The following JCAD variants were observed in gnomAD, a reference collection of about 807,000 sequenced individuals.
The protein encoded by JCAD is junctional cadherin 5 associated.
Under a neutral mutation model 98.0 loss-of-function variants are expected in JCAD, and 40 were observed. The ratio of observed to expected loss-of-function variants is 0.41; its 90% CI spans 0.32 to 0.53. The LOEUF is 0.53. JCAD is among the 20% of genes least tolerant of loss of function. JCAD has a pLI of 0.31. For missense variants in JCAD, 1,705 were observed against 1,738.1 expected, an observed-to-expected ratio of 0.98 and a Z score of 0.34; for synonymous variants, 691 against 682.3, an observed-to-expected ratio of 1.01 and a Z score of -0.20.
intron 1 of JCAD, among the ~76,000 whole-genome samples, chr10:30,080,877 A>G (rs540097542): frequency 6.6e-6 from 1 of 152,298 alleles, no homozygotes; most frequent in African/African-American, 2.4e-5. Flanking sequence ...TTATGGTCAA[A>G]CAGCATCTTC....
Position 30,028,984 on chromosome 10 carries a change from TGAA to T in JCAD, c.1161_1163del (p.Ser388del), listed in dbSNP as rs763481068. On this transcript the variant is annotated inframe_deletion, in exon 3 of 4. Transcript: ENST00000375377. ...ACTCATTCCCAGTTCCAGGGGGGCC[TGAA>T]GGAGGCTGACCGCTGGCCCCAGCCT... 1.2e-6 allele frequency: 2 copies of T among 1,613,550 alleles called. No individual in the cohort carries two copies. The highest frequency in any genetic ancestry group is 1.7e-5 in the Admixed American group (1 of 59,960).
rs142648834 is a variant in JCAD, at chr10:30,047,361, T to C, written c.281+171A>G. Among the ~76,000 whole-genome samples the C allele has an allele frequency of 1.1e-4, 17 of 152,338 alleles. No individual in the cohort carries two copies. The East Asian group carries it at 3.3e-3, about 29-fold the overall frequency. Reference sequence around the variant, plus strand: ...TCCAGCCTGGACGACAGAGCAAGACTCCGTCTCAAAAACAAAACAAAACAA... The same window carrying C: ...TCCAGCCTGGACGACAGAGCAAGACCCCGTCTCAAAAACAAAACAAAACAA... On this transcript the variant is annotated intron_variant, in intron 2 of 3. Coordinates refer to ENST00000375377, the MANE Select transcript of JCAD (RefSeq NM_020848.4).
At chr10:30,114,578 TAAAA>T (rs11360136) in intron 1 of JCAD, among the ~76,000 whole-genome samples, 37,293 of 124,628 alleles carry the variant, frequency 0.3, 5,630 homozygotes, top group Middle Eastern at 0.39. Flanking sequence ...ACAGCACAAT[TAAAA>T]AAAAAAAAAA....
upstream of JCAD, among the ~76,000 whole-genome samples, chr10:30,060,866 G>GT (rs1837688329): frequency 2.6e-5 from 4 of 152,236 alleles, no homozygotes; most frequent in South Asian, 8.3e-4. Flanking sequence ...GAGCAAGGTC[G>GT]TTTCTTTGTT....
At position 30,073,535 on chromosome 10, in the gene JCAD, TTC is replaced by T. The variant is rs1837930266; in HGVS notation, n.129-3716_129-3715del. On this transcript the variant is annotated intron_variant and non_coding_transcript_variant, in intron 1 of 2. Coordinates refer to the JCAD transcript ENST00000465712. ...TGCTGAGAACATGGAAGGATACTATTTCTATATTCATTTACTTTTTGTGGGAA... is the reference window on the plus strand; with the variant it reads ...TGCTGAGAACATGGAAGGATACTATTTATATTCATTTACTTTTTGTGGGAA... Among the ~76,000 whole-genome samples the T allele has an allele frequency of 2.0e-5, 3 of 152,234 alleles. No homozygotes were observed. In the South Asian group the frequency reaches 6.2e-4, roughly 32 times the overall value.
intron 2 of JCAD, among the ~76,000 whole-genome samples, chr10:30,046,535 C>G (rs12248176): frequency 0.057 from 8,722 of 152,176 alleles, 671 homozygotes; most frequent in African/African-American, 0.18. Flanking sequence ...CTCTCTGTAA[C>G]CTGCAAAATA....
At position 30,027,948 on chromosome 10, in the gene JCAD, T is replaced by C. The variant is rs1836872569; in HGVS notation, c.2200A>G (p.Thr734Ala). The part of the protein sequence containing the change: ...DPAASEAQTH[T>A]AFPTGDHKQR... ...TTGTGATCACCGGTAGGGAATGCTG[T>C]GTGCGTCTGAGCTTCGGAGGCAGCA... The change falls in exon 3 of 4, where the codon ACA becomes GCA. Residue 734 changes from threonine to alanine, a missense_variant. By Grantham distance (58) the Thr-to-Ala change is moderately conservative. Transcript: ENST00000375377. The C allele has an allele frequency of 1.4e-5, 23 of 1,614,148 alleles. No individual in the cohort carries two copies. The highest frequency in any genetic ancestry group is 1.9e-5 in the Non-Finnish European group (22 of 1,180,058).
rs1836937130 is a variant in JCAD at position 30,029,449 on chromosome 10, A to T, written c.699T>A (p.Pro233=). ...SQNKGKSRSL[P]RVLSPESLSC... ...TCAGGCTCTCGGGGGAAAGAACTCT[A>T]GGCAGTGAGCGAGACTTCCCTTTGT... The change falls in exon 3 of 4, where the codon CCT becomes CCA. Residue 233 remains proline, a synonymous_variant. Coordinates refer to ENST00000375377, the MANE Select transcript of JCAD (RefSeq NM_020848.4). 1 of 1,614,208 alleles carries T rather than the reference A, an allele frequency of 6.2e-7. No homozygotes were observed. Among genetic ancestry groups the T allele is most frequent in the East Asian group, 2.2e-5 (1 of 44,886 alleles).
intron 2 of JCAD, among the ~76,000 whole-genome samples, chr10:30,034,137 C>T (rs1430672952): frequency 6.6e-6 from 1 of 151,282 alleles, no homozygotes; most frequent in Non-Finnish European, 1.5e-5. Flanking sequence ...GTGGGAGAAT[C>T]GCTTGAACCC....
rs370794553 is a variant in JCAD at position 30,017,873 on chromosome 10, C to A, written c.*10G>T. 11 of 1,611,656 alleles carry A rather than the reference C, an allele frequency of 6.8e-6. No homozygotes were observed. Among genetic ancestry groups the A allele is most frequent in the Non-Finnish European group, 9.3e-6 (11 of 1,178,088 alleles). ...ATTCGCAACGGAATGCAAGCTCCAC[C>A]GGCATTTCATCACACCCTCTCCACT... On this transcript the variant is annotated 3_prime_UTR_variant, in exon 4 of 4. Coordinates refer to ENST00000375377, the MANE Select transcript of JCAD (RefSeq NM_020848.4).
rs201535105 is a variant in JCAD, at chr10:30,105,358, CTT to C, written n.128+10007_128+10008del. Among the ~76,000 whole-genome samples, 862 of 143,534 alleles carry C rather than the reference CTT, an allele frequency of 6.0e-3. 10 individuals are homozygous for C. The highest frequency in any genetic ancestry group is 0.021 in the African/African-American group (810 of 39,512). 94.2% of individuals were successfully genotyped at this position (143,534 alleles called of 152,430 possible). A position where few individuals can be genotyped will look rare whatever the true frequency, so the allele number is the denominator to read the frequency against. ...TCTGTCTGTTTTCTTTTCTTTCTTT[CTT>C]TTTTTTTTTTTTGAGATGGAGTATT... On this transcript the variant is annotated intron_variant and non_coding_transcript_variant, in intron 1 of 2. Transcript: ENST00000465712.
chr10:30,018,960 C>A (rs1354709665), intron 3 of JCAD, among the ~76,000 whole-genome samples: 6 of 152,188 alleles, frequency 3.9e-5, no homozygotes, highest in Non-Finnish European at 8.8e-5. Context: ...ATCTGCACTG[C>A]AGCATTATTT....
intron 1 of JCAD, among the ~76,000 whole-genome samples, chr10:30,092,497 G>C (rs933526272): frequency 6.6e-6 from 1 of 152,076 alleles, no homozygotes; most frequent in East Asian, 1.9e-4. Context: ...AGGCCAATGC[G>C]TTGTTTTTAG....
chr10:30,029,065 C>G lies in JCAD; in HGVS notation c.1083G>C (p.Thr361=), dbSNP rs943820942. 1 of 1,614,080 alleles carries G rather than the reference C, an allele frequency of 6.2e-7. No individual in the cohort carries two copies. Among genetic ancestry groups the G allele is most frequent in the South Asian group, 1.1e-5 (1 of 91,070 alleles). The change falls in exon 3 of 4, where the codon ACG becomes ACC. Residue 361 remains threonine, a synonymous_variant. Coordinates refer to ENST00000375377, the MANE Select transcript of JCAD (RefSeq NM_020848.4). The part of the protein sequence containing the change: ...QNIPNPYLED[T]VPINVCGGHS... ...GACCGCCACACACATTTATGGGCAC[C>G]GTGTCTTCCAAGTAGGGGTTTGGGA...
intron 1 of JCAD, among the ~76,000 whole-genome samples, chr10:30,107,592 C>G (rs943785952): frequency 6.6e-6 from 1 of 152,148 alleles, no homozygotes; most frequent in Non-Finnish European, 1.5e-5. Context: ...GTTGAGCAGC[C>G]GTCGCCACTG....
chr10:30,083,151 GT>G (rs1425077263), intron 1 of JCAD, among the ~76,000 whole-genome samples: 1 of 152,054 alleles, frequency 6.6e-6, no homozygotes, highest in African/African-American at 2.4e-5. Flanking sequence ...CCCCATTTGT[GT>G]AATCTCTTAT....
intron 1 of JCAD, among the ~76,000 whole-genome samples, chr10:30,077,712 C>T (rs886658237): frequency 4.6e-5 from 7 of 152,144 alleles, no homozygotes; most frequent in Admixed American, 6.5e-5. Context: ...TTTCACCCAG[C>T]GTGTTTTCAA....
upstream of JCAD, among the ~76,000 whole-genome samples, chr10:30,062,794 A>G (rs937696576): frequency 1.3e-5 from 2 of 152,346 alleles, no homozygotes; most frequent in South Asian, 4.1e-4. Context: ...ACCCGCGTCC[A>G]TGATTCAATT....
chr10:30,103,993 A>G (rs1005869321), intron 1 of JCAD, among the ~76,000 whole-genome samples: 1 of 152,228 alleles, frequency 6.6e-6, no homozygotes, highest in Non-Finnish European at 1.5e-5. Flanking sequence ...AGAAAGTATC[A>G]TGGGGATACA....
Sources: gnomAD v4.1 joint callset for allele counts (sites outside exome capture counted in the v4.1 genomes callset) on GRCh38, gnomAD v4.1.1 for gene constraint, MANE v1.5 for transcripts, NCBI Gene and HGNC (gene_info 2026-07-23, HGNC 2026-07-21) for gene names.